Variants in POLK observed in about 807,000 individuals in gnomAD.
The protein encoded by POLK is polymerase (DNA directed) kappa.
POLK carries 76 observed loss-of-function variants against 94.0 expected under a neutral mutation model. That is an observed-to-expected ratio of 0.81 (90% CI 0.67 to 0.98). The LOEUF is 0.98. POLK is among the 50% of genes least tolerant of loss of function. POLK has a pLI of 0.00. For missense variants in POLK, 954 were observed against 1,010.1 expected, an observed-to-expected ratio of 0.94 and a Z score of 0.75; for synonymous variants, 349 against 325.4, an observed-to-expected ratio of 1.07 and a Z score of -0.78.
chr5:75,531,817 G>C (rs79378147), intron 1 of POLK, among the ~76,000 whole-genome samples: 1 of 151,984 alleles, frequency 6.6e-6, no homozygotes, highest in Non-Finnish European at 1.5e-5. Flanking sequence ...AAAGTAAGCT[G>C]TAAACTTATC....
intron 3 of POLK, among the ~76,000 whole-genome samples, chr5:75,560,824 C>T (rs559183280): frequency 2.4e-4 from 37 of 152,260 alleles, no homozygotes; most frequent in African/African-American, 8.2e-4. Flanking sequence ...CAGCTTCATC[C>T]ATGTCCCTGC....
chr5:75,514,877 A>C (rs1323179162), intron 1 of POLK, among the ~76,000 whole-genome samples: 1 of 152,076 alleles, frequency 6.6e-6, no homozygotes, highest in Non-Finnish European at 1.5e-5. Flanking sequence ...AAAAAAAAAA[A>C]TTCCAAAAAA....
upstream of POLK, chr5:75,511,465 C>A: frequency 6.6e-7 from 1 of 1,519,280 alleles, no homozygotes; most frequent in Non-Finnish European, 8.8e-7. Context: ...GTCGCCGTGA[C>A]CCCTGCGTTG....
intron 1 of POLK, among the ~76,000 whole-genome samples, chr5:75,546,424 T>TAAGTGGATCCTCTCAGTTCAAACCCGTG (rs1770021778): frequency 1.3e-5 from 2 of 152,144 alleles, no homozygotes; most frequent in Admixed American, 1.3e-4. Context: ...AATTCAAATA[T>TAAGTGGATCCTCTCAGTTCAAACCCGTG]AAGTGGATCC....
chr5:75,556,442 T>C (rs1396640800), intron 3 of POLK, among the ~76,000 whole-genome samples: 2 of 152,242 alleles, frequency 1.3e-5, no homozygotes, highest in African/African-American at 4.8e-5. Flanking sequence ...TTTGCAAATA[T>C]TGTTTCCCAA....
At chr5:75,572,334 T>G (rs1771639253) in intron 4 of POLK, among the ~76,000 whole-genome samples, 1 of 152,194 alleles carries the variant, frequency 6.6e-6, no homozygotes, top group African/African-American at 2.4e-5. Flanking sequence ...AAACTTATTT[T>G]AAGCTTTAAT....
At chr5:75,545,673 G>A (rs1001304849) in intron 1 of POLK, among the ~76,000 whole-genome samples, 1 of 151,100 alleles carries the variant, frequency 6.6e-6, no homozygotes, top group Non-Finnish European at 1.5e-5. Flanking sequence ...TTTTTTTTCT[G>A]TATTTTTTCA....
chr5:75,555,067 C>G (rs1202304676), intron 3 of POLK, among the ~76,000 whole-genome samples: 1 of 152,200 alleles, frequency 6.6e-6, no homozygotes, highest in Admixed American at 6.5e-5. Context: ...CCTGTCTCCC[C>G]ACAGGCATAG....
chr5:75,561,141 G>A (rs1770951125), intron 3 of POLK, among the ~76,000 whole-genome samples: 1 of 152,174 alleles, frequency 6.6e-6, no homozygotes, highest in African/African-American at 2.4e-5. Context: ...CAGTGTAAAA[G>A]CATTCCTATT....
At chr5:75,556,503 A>C (rs568952552) in intron 3 of POLK, among the ~76,000 whole-genome samples, 1 of 152,196 alleles carries the variant, frequency 6.6e-6, no homozygotes, top group South Asian at 2.1e-4. Context: ...CAGAGCAGAA[A>C]TTTTTAATTT....
At chr5:75,566,188 G>A (rs934192729) in intron 3 of POLK, among the ~76,000 whole-genome samples, 2 of 152,318 alleles carry the variant, frequency 1.3e-5, no homozygotes, top group East Asian at 3.9e-4. Context: ...ACCTACTCAG[G>A]CCTCAGTAAT....
intron 9 of POLK, among the ~76,000 whole-genome samples, chr5:75,585,743 T>C (rs1772435510): frequency 2.0e-5 from 3 of 152,164 alleles, no homozygotes; most frequent in African/African-American, 7.2e-5. Flanking sequence ...ATCGTGGAAG[T>C]CAACTCTGGG....
intron 10 of POLK, among the ~76,000 whole-genome samples, chr5:75,589,709 G>T (rs1263607070): frequency 6.6e-6 from 1 of 152,152 alleles, no homozygotes; most frequent in East Asian, 1.9e-4. Context: ...GTAGAAAGGG[G>T]ACTCTTTACT....
At chr5:75,581,997 A>G (rs989510116) in intron 7 of POLK, 1 of 985,618 alleles carries the variant, frequency 1.0e-6, no homozygotes, top group Non-Finnish European at 1.2e-6. Context: ...TCATATAGCT[A>G]TCTTTTTCTA....
intron 5 of POLK, among the ~76,000 whole-genome samples, chr5:75,576,149 C>G (rs1044063968): frequency 1.3e-5 from 2 of 151,990 alleles, no homozygotes; most frequent in African/African-American, 4.8e-5. Flanking sequence ...AGACTTTTCC[C>G]CATCATTTAA....
exon 13 of POLK, chr5:75,597,033 T>C: frequency 6.2e-7 from 1 of 1,613,922 alleles, no homozygotes; most frequent in Non-Finnish European, 8.5e-7. Flanking sequence ...TAGTTTGTCC[T>C]GTTTGTAACG....
intron 1 of POLK, among the ~76,000 whole-genome samples, chr5:75,530,396 CTTTTTTTTTTTTTT>C (rs201266079): frequency 3.2e-5 from 2 of 61,618 alleles, no homozygotes; most frequent in South Asian, 4.6e-4. Context: ...TTCCCTTTTT[CTTTTTTTTTTTTTT>C]TTTTTTTTTT....
intron 13 of POLK, chr5:75,597,427 T>C (rs759223080): frequency 1.4e-5 from 6 of 433,960 alleles, no homozygotes; most frequent in Non-Finnish European, 2.0e-5. Flanking sequence ...AGGAGCTGAG[T>C]GATCTAATCA....
chr5:75,584,655 G>C (rs1268576974), intron 8 of POLK, 105 bp from the exon 9 acceptor site: 8 of 660,862 alleles, frequency 1.2e-5, no homozygotes, highest in Non-Finnish European at 5.0e-6. Context: ...TGGGCAACAA[G>C]AGCGAGACTC....
Sources: allele counts gnomAD v4.1 joint callset (sites outside exome capture counted in the v4.1 genomes callset), GRCh38; gene constraint gnomAD v4.1.1; transcripts MANE v1.5; gene names NCBI Gene and HGNC (gene_info 2026-07-23, HGNC 2026-07-21).